The following ACTR3C variants were observed in gnomAD, a reference collection of about 807,000 sequenced individuals.
ACTR3C encodes actin related protein 3C.
ACTR3C carries 18 observed loss-of-function variants against 26.3 expected under a neutral mutation model. That is an observed-to-expected ratio of 0.68 (90% CI 0.47 to 1.01). ACTR3C has a LOEUF of 1.01. Among genes scored for constraint, ACTR3C ranks in the 50% least tolerant of loss-of-function variants. The probability of loss-of-function intolerance (pLI) is 0.00; values close to 1 mark genes in which losing one functional copy is unlikely to be tolerated. For missense variants in ACTR3C, 184 were observed against 250.7 expected (o/e 0.73, Z 1.80); for synonymous variants, 55 against 94.5 (o/e 0.58, Z 2.42).
At chr7:150,303,745 G>T (rs1431163094) in intron 1 of ACTR3C, among the ~76,000 whole-genome samples, 7 of 152,182 alleles carry the variant, frequency 4.6e-5, no homozygotes, top group African/African-American at 1.7e-4. Flanking sequence ...TTTATAACAA[G>T]ATCTAAATTG....
chr7:150,058,278 T>C, the ACTR3C span, among the ~76,000 whole-genome samples: 1 of 152,234 alleles, frequency 6.6e-6, no homozygotes, highest in African/African-American at 2.4e-5. Flanking sequence ...GAGGAAACTA[T>C]ATAAATTTTC....
chr7:149,913,727 C>T, the ACTR3C span, among the ~76,000 whole-genome samples: 2 of 150,570 alleles, frequency 1.3e-5, no homozygotes, highest in Admixed American at 6.7e-5. Context: ...ACCTCAACTA[C>T]GCCACATGAA....
the ACTR3C span, among the ~76,000 whole-genome samples, chr7:149,993,657 C>A: frequency 2.0e-4 from 31 of 152,090 alleles, no homozygotes; most frequent in South Asian, 5.8e-3. Flanking sequence ...AGCAGGGCAA[C>A]CTTCCCCTTT....
the ACTR3C span, among the ~76,000 whole-genome samples, chr7:150,148,202 G>A: frequency 6.6e-6 from 1 of 151,216 alleles, no homozygotes; most frequent in Non-Finnish European, 1.5e-5. Flanking sequence ...AAAAAGGCCA[G>A]GCGCGGTGGC....
intron 6 of ACTR3C, among the ~76,000 whole-genome samples, chr7:150,262,743 AAAT>A (rs4015663): frequency 1.2e-4 from 18 of 152,364 alleles, no homozygotes; most frequent in African/African-American, 4.1e-4. Flanking sequence ...TAATCTTACA[AAAT>A]AATAATAAAT....
chr7:150,070,565 T>C, the ACTR3C span, among the ~76,000 whole-genome samples: 1 of 152,176 alleles, frequency 6.6e-6, no homozygotes, highest in South Asian at 2.1e-4. Context: ...ATCCTCCCAC[T>C]GCAATCTCCT....
chr7:149,883,128 G>A, the ACTR3C span, among the ~76,000 whole-genome samples: 3 of 152,222 alleles, frequency 2.0e-5, no homozygotes, highest in East Asian at 1.9e-4. Flanking sequence ...GTTGTCAGGT[G>A]TTGGTAGGAA....
the ACTR3C span, among the ~76,000 whole-genome samples, chr7:150,034,593 G>A: frequency 2.5e-3 from 377 of 150,920 alleles, 3 homozygotes; most frequent in African/African-American, 8.9e-3. Flanking sequence ...CTTAAGCTCC[G>A]GTAGATTGCA....
At chr7:149,940,497 T>C in the ACTR3C span, among the ~76,000 whole-genome samples, 1 of 151,802 alleles carries the variant, frequency 6.6e-6, no homozygotes, top group African/African-American at 2.4e-5. Context: ...CTAAAAGAGA[T>C]TTGTATTTTG....
chr7:150,022,906 T>C, the ACTR3C span, among the ~76,000 whole-genome samples: 1 of 151,752 alleles, frequency 6.6e-6, no homozygotes, highest in Non-Finnish European at 1.5e-5. Flanking sequence ...AATGTTCCTC[T>C]TCATGATTGT....
At chr7:150,214,582 T>G in the ACTR3C span, among the ~76,000 whole-genome samples, 9 of 151,916 alleles carry the variant, frequency 5.9e-5, no homozygotes, top group South Asian at 1.9e-3. Context: ...CAATATAAGC[T>G]GTATAAAACA....
the ACTR3C span, among the ~76,000 whole-genome samples, chr7:150,110,460 A>AGAG: frequency 8.8e-6 from 1 of 113,718 alleles, no homozygotes; most frequent in African/African-American, 3.4e-5. Flanking sequence ...TGGGGCTGGA[A>AGAG]GAGGGTGGGG....
the ACTR3C span, among the ~76,000 whole-genome samples, chr7:150,166,634 G>A: frequency 1.3e-5 from 2 of 150,432 alleles, no homozygotes; most frequent in African/African-American, 5.0e-5. Flanking sequence ...GGGAGGCAGA[G>A]GTTGCAGTGA....
At chr7:149,981,175 C>T in the ACTR3C span, among the ~76,000 whole-genome samples, 2 of 152,126 alleles carry the variant, frequency 1.3e-5, no homozygotes, top group African/African-American at 2.4e-5. Context: ...AAGAGCAGAG[C>T]TCTTCCCACT....
chr7:150,306,380 G>A (rs540483549), intron 1 of ACTR3C, among the ~76,000 whole-genome samples: 1 of 152,118 alleles, frequency 6.6e-6, no homozygotes, highest in African/African-American at 2.4e-5. Flanking sequence ...GTAGACAGAA[G>A]GAAGCAGCTG....
chr7:150,194,297 T>TAAAA, the ACTR3C span, among the ~76,000 whole-genome samples: 60 of 146,664 alleles, frequency 4.1e-4, no homozygotes, highest in Non-Finnish European at 1.2e-4. Flanking sequence ...ATAAAAGTCT[T>TAAAA]TTCTTTTCTA....
the ACTR3C span, among the ~76,000 whole-genome samples, chr7:150,220,726 G>A: frequency 5.3e-5 from 8 of 152,370 alleles, no homozygotes; most frequent in Admixed American, 1.3e-4. Context: ...ACCCGCGAAA[G>A]CCAGGGAGTC....
the ACTR3C span, among the ~76,000 whole-genome samples, chr7:150,031,824 A>G: frequency 6.6e-6 from 1 of 152,154 alleles, no homozygotes; most frequent in Non-Finnish European, 1.5e-5. Flanking sequence ...CAAAGAGGAC[A>G]GAGCTCCACT....
chr7:150,171,751 A>G, the ACTR3C span, among the ~76,000 whole-genome samples: 4 of 150,308 alleles, frequency 2.7e-5, no homozygotes, highest in African/African-American at 1.0e-4. Flanking sequence ...TAAGCAGAGA[A>G]AATAGGTAAG....
Sources: gnomAD v4.1 joint callset for allele counts (sites outside exome capture counted in the v4.1 genomes callset) on GRCh38, gnomAD v4.1.1 for gene constraint, MANE v1.5 for transcripts, NCBI Gene and HGNC (gene_info 2026-07-23, HGNC 2026-07-21) for gene names.